The following CCDC175 variants were observed in gnomAD, a reference collection of about 807,000 sequenced individuals.
CCDC175 encodes the protein coiled-coil domain-containing protein 175.
In CCDC175, 100 loss-of-function variants were observed where a neutral mutation model predicts 114.6. The observed-to-expected ratio is 0.87, with a 90% CI of 0.74 to 1.03. CCDC175 has a LOEUF of 1.03. Ranked by LOEUF, CCDC175 falls within the 50% of genes least tolerant of loss-of-function variation. The probability of loss-of-function intolerance (pLI) is 0.00; values close to 1 mark genes in which losing one functional copy is unlikely to be tolerated. For synonymous variants in CCDC175, 306 were observed against 308.7 expected (o/e 0.99, Z 0.09); for missense variants, 880 against 917.8 (o/e 0.96, Z 0.53).
chr14:59,549,090 G>A (rs1324278843), intron 8 of CCDC175, among the ~76,000 whole-genome samples: 1 of 152,234 alleles, frequency 6.6e-6, no homozygotes, highest in Non-Finnish European at 1.5e-5. Context: ...ATCATGAAAT[G>A]CTTAGTGTAA....
chr14:59,540,453 G>A (rs924219825), intron 11 of CCDC175, among the ~76,000 whole-genome samples: 6 of 150,306 alleles, frequency 4.0e-5, no homozygotes, highest in African/African-American at 9.8e-5. Context: ...TTTGGTGACC[G>A]CACTTGATTG....
At chr14:59,505,794 C>T (rs773338885) in intron 19 of CCDC175, among the ~76,000 whole-genome samples, 13 of 152,132 alleles carry the variant, frequency 8.5e-5, no homozygotes, top group African/African-American at 1.4e-4. Flanking sequence ...ATCCTTATCA[C>T]TACAGTGTAT....
At chr14:59,536,991 C>A (rs1385662549) in intron 13 of CCDC175, among the ~76,000 whole-genome samples, 1 of 152,092 alleles carries the variant, frequency 6.6e-6, no homozygotes, top group Non-Finnish European at 1.5e-5. Flanking sequence ...CTATCTTGGC[C>A]AGGCTGATCT....
At chr14:59,573,392 T>A (rs969747416) in intron 2 of CCDC175, among the ~76,000 whole-genome samples, 2 of 152,136 alleles carry the variant, frequency 1.3e-5, no homozygotes, top group Non-Finnish European at 2.9e-5. Context: ...TTATGAATTA[T>A]AAAAAGCAGA....
chr14:59,521,440 C>CT, intron 17 of CCDC175, 134 bp downstream of exon 17: 1 of 564,814 alleles, frequency 1.8e-6, no homozygotes, highest in Non-Finnish European at 3.1e-6. Flanking sequence ...TGCAGAAGAC[C>CT]TATCATGGGA....
intron 8 of CCDC175, among the ~76,000 whole-genome samples, chr14:59,549,835 C>A (rs148761322): frequency 1.7e-3 from 254 of 151,910 alleles, no homozygotes; most frequent in African/African-American, 5.6e-3. Context: ...ATACAAGGGA[C>A]AAGAAGAATT....
Position 59,531,844 on chromosome 14 carries a change from G to A in CCDC175, c.1690C>T (p.Gln564Ter). 1 of 1,434,748 alleles carries A rather than the reference G, an allele frequency of 7.0e-7. No homozygotes were observed. Among genetic ancestry groups the A allele is most frequent in the South Asian group, 1.2e-5 (1 of 80,304 alleles). 88.9% of individuals were successfully genotyped at this position (1,434,748 alleles called of 1,614,324 possible). The change falls in exon 14 of 20, where the codon CAA (glutamine) becomes TAA (stop). Residue 564 changes from glutamine (Q) to a stop codon, truncating the protein, a stop_gained. Coordinates refer to ENST00000537690, the MANE Select transcript of CCDC175 (RefSeq NM_001164399.2). LOFTEE classifies it high-confidence loss of function. The part of the protein sequence containing the change: ...KEEELVEYLP[Q>*]LQVAEQEYKE... ...TACTCTTGTTCTGCCACCTGAAGTT[G>A]TGGAAGATACTCAACTAGTTCTTCT... is the stretch of plus-strand genomic sequence containing the variant.
intron 7 of CCDC175, among the ~76,000 whole-genome samples, chr14:59,559,969 C>T (rs369152962): frequency 2.0e-5 from 3 of 152,120 alleles, no homozygotes; most frequent in Admixed American, 1.3e-4. Context: ...TTATTCATAA[C>T]AGCTAGAAAT....
At chr14:59,564,138 TA>T (rs1271826381) in intron 5 of CCDC175, among the ~76,000 whole-genome samples, 4 of 152,182 alleles carry the variant, frequency 2.6e-5, no homozygotes, top group Non-Finnish European at 5.9e-5. Flanking sequence ...TAACTAATTA[TA>T]AAAGTAATTG....
Position 59,561,233 on chromosome 14 carries a change from T to G in CCDC175, c.844-5A>C. 1 of 1,486,326 alleles carries G rather than the reference T, an allele frequency of 6.7e-7. No individual in the cohort carries two copies. Among genetic ancestry groups the G allele is most frequent in the Non-Finnish European group, 9.1e-7 (1 of 1,103,106 alleles). The allele number at this position is 1,486,326 out of a possible 1,614,324, so 92.1% of individuals were successfully genotyped here. On this transcript the variant is annotated splice_polypyrimidine_tract_variant and splice_region_variant and intron_variant, in intron 6 of 19. Transcript: ENST00000537690. ...TAAATTGTGATCACTAAGAACCTAT[T>G]AAAAATTAAACAAAAATATGGCATC...
At chr14:59,566,124 T>C (rs1896526291) in intron 4 of CCDC175, among the ~76,000 whole-genome samples, 1 of 152,148 alleles carries the variant, frequency 6.6e-6, no homozygotes, top group Non-Finnish European at 1.5e-5. Context: ...GCCTGAAACC[T>C]AATTTGAGCC....
intron 1 of CCDC175, among the ~76,000 whole-genome samples, chr14:59,575,801 G>T (rs1195037907): frequency 1.3e-5 from 2 of 152,162 alleles, no homozygotes; most frequent in Non-Finnish European, 2.9e-5. Context: ...GAGCCACCGC[G>T]CCCGGCCAAC....
At chr14:59,523,254 A>G (rs1241082043) in intron 16 of CCDC175, among the ~76,000 whole-genome samples, 4 of 152,226 alleles carry the variant, frequency 2.6e-5, no homozygotes, top group South Asian at 4.1e-4. Context: ...AGGGTTATCA[A>G]TGATGGTATG....
At chr14:59,519,590 A>C (rs887147388) in intron 17 of CCDC175, among the ~76,000 whole-genome samples, 1 of 152,240 alleles carries the variant, frequency 6.6e-6, no homozygotes, top group Non-Finnish European at 1.5e-5. Flanking sequence ...TTTTAACTGG[A>C]TAATAGGAAA....
chr14:59,563,079 G>A (rs1896314385), intron 6 of CCDC175, among the ~76,000 whole-genome samples: 1 of 152,090 alleles, frequency 6.6e-6, no homozygotes, highest in Non-Finnish European at 1.5e-5. Context: ...TCAATTAATT[G>A]TGATAAGAAG....
At chr14:59,537,958 A>T in intron 13 of CCDC175, 65 bp downstream of exon 13, 13 of 828,934 alleles carry the variant, frequency 1.6e-5, no homozygotes, top group East Asian at 7.3e-5. Context: ...ATAGCATGAA[A>T]TATTATTCCC....
intron 13 of CCDC175, among the ~76,000 whole-genome samples, chr14:59,534,494 C>T (rs1894277214): frequency 1.3e-5 from 2 of 152,160 alleles, no homozygotes; most frequent in Admixed American, 1.3e-4. Context: ...AAGTACCTGC[C>T]CTGCTGACTT....
Position 59,511,578 on chromosome 14 carries a change from A to G in CCDC175, c.2142+182T>C, listed in dbSNP as rs112846508. Among the ~76,000 whole-genome samples the G allele has an allele frequency of 2.0e-3, 288 of 144,018 alleles. 1 individual carries two copies. The highest frequency in any genetic ancestry group is 6.9e-3 in the African/African-American group (261 of 38,030). 94.5% of individuals were successfully genotyped at this position (144,018 alleles called of 152,430 possible). ...AAAAAAAAAAAAAAAGACACATTTT[A>G]GGAGGTGGTGGTCACAGTAGCATCT... On this transcript the variant is annotated intron_variant, in intron 18 of 19. Transcript: ENST00000537690.
At chr14:59,539,239 C>A (rs1417850704) in intron 11 of CCDC175, among the ~76,000 whole-genome samples, 7 of 152,214 alleles carry the variant, frequency 4.6e-5, no homozygotes, top group African/African-American at 1.7e-4. Flanking sequence ...TCAAATTTTT[C>A]TCCACCACAA....
Sources: gnomAD v4.1 joint callset for allele counts (sites outside exome capture counted in the v4.1 genomes callset) on GRCh38, gnomAD v4.1.1 for gene constraint, MANE v1.5 for transcripts, NCBI Gene and HGNC (gene_info 2026-07-23, HGNC 2026-07-21) for gene names.